CREB5: variants seen among roughly 807,000 people sequenced by gnomAD.
The protein encoded by CREB5 is cyclic AMP-responsive element-binding protein 5.
Under a neutral mutation model 57.1 loss-of-function variants are expected in CREB5, and 19 were observed. The observed-to-expected ratio is 0.33, with a 90% confidence interval of 0.23 to 0.49. CREB5 has a LOEUF of 0.49. CREB5 is among the 20% of genes least tolerant of loss of function. CREB5 has a pLI of 0.99. For synonymous variants in CREB5, 238 were observed against 238.3 expected (o/e 1.00, Z 0.01); for missense variants, 579 against 671.6 (o/e 0.86, Z 1.52).
chr7:28,804,508 G>T lies in CREB5; in HGVS notation c.1012G>T (p.Gly338Cys). 6.2e-7 allele frequency: 1 copy of T among 1,613,700 alleles called. No individual in the cohort carries two copies. Among genetic ancestry groups the T allele is most frequent in the Non-Finnish European group, 8.5e-7 (1 of 1,179,790 alleles). Residue 338 changes from glycine to cysteine, a missense_variant, in exon 8 of 11, where the codon GGC becomes TGC. Physicochemically the swap from Gly to Cys is radical, Grantham distance 159. This residue lies in a region of CREB5 where 459 missense variants were observed against 515.7 expected (regional missense o/e 0.89). Transcript: ENST00000357727. ...QTSPHPPLHT[G>C]NQAQVSPATQ... Reference sequence around the variant, plus strand: ...CTCGCCACATCCGCCCCTGCACACCGGCAACCAAGCACAGGTAGACCTTTT... The same window carrying T: ...CTCGCCACATCCGCCCCTGCACACCTGCAACCAAGCACAGGTAGACCTTTT...
intron 1 of CREB5, among the ~76,000 whole-genome samples, chr7:28,355,011 G>T (rs543927228): frequency 2.5e-4 from 38 of 152,368 alleles, no homozygotes; most frequent in African/African-American, 8.9e-4. Flanking sequence ...TAAGCAAGCA[G>T]TAAATGTGCC....
rs1286180652 is a variant in CREB5, at chr7:28,480,161, C to T, written c.4-8014C>T. On this transcript the variant is annotated intron_variant, in intron 1 of 10. Coordinates refer to ENST00000357727, the MANE Select transcript of CREB5 (RefSeq NM_182898.4). Reference sequence around the variant, plus strand: ...GAAAATTGTTTAAAAATCAAATGCACTCAAACTGCATTAAAAAGTATCTAT... The same window carrying T: ...GAAAATTGTTTAAAAATCAAATGCATTCAAACTGCATTAAAAAGTATCTAT... Among the ~76,000 whole-genome samples, 4 of 152,034 alleles carry T rather than the reference C, an allele frequency of 2.6e-5. No homozygotes were observed. The East Asian group carries it at 7.7e-4, about 29-fold the overall frequency.
intron 1 of CREB5, among the ~76,000 whole-genome samples, chr7:28,441,264 C>T (rs371978424): frequency 9.2e-5 from 14 of 152,190 alleles, no homozygotes; most frequent in African/African-American, 3.1e-4. Context: ...ATGAGGCTGT[C>T]GAGCTGGGCC....
chr7:28,631,742 A>G (rs1392968214), intron 5 of CREB5, among the ~76,000 whole-genome samples: 1 of 152,188 alleles, frequency 6.6e-6, no homozygotes, highest in African/African-American at 2.4e-5. Context: ...CTAGACAAAA[A>G]GAAATAAGCA....
intron 7 of CREB5, among the ~76,000 whole-genome samples, chr7:28,762,498 A>C (rs900432203): frequency 1.3e-5 from 2 of 152,202 alleles, no homozygotes; most frequent in African/African-American, 4.8e-5. Flanking sequence ...CTACAACACA[A>C]CTAATTCTAT....
chr7:28,708,819 C>CTG (rs1049009408), intron 5 of CREB5, among the ~76,000 whole-genome samples: 1 of 152,232 alleles, frequency 6.6e-6, no homozygotes, highest in African/African-American at 2.4e-5. Flanking sequence ...CTCCGTGTGA[C>CTG]TGTGAGCTCA....
chr7:28,390,172 A>G (rs1360115577), intron 1 of CREB5, among the ~76,000 whole-genome samples: 1 of 152,120 alleles, frequency 6.6e-6, no homozygotes, highest in Non-Finnish European at 1.5e-5. Context: ...TTATGAGGCA[A>G]TTGATGATTG....
chr7:28,751,977 T>G (rs1248341379), intron 7 of CREB5, among the ~76,000 whole-genome samples: 2 of 152,184 alleles, frequency 1.3e-5, no homozygotes, highest in Admixed American at 1.3e-4. Flanking sequence ...TTGGGTGATG[T>G]TTTCTCATGA....
At chr7:28,507,879 A>T (rs958792935) in intron 4 of CREB5, 142 bp downstream of exon 4, 28 of 1,039,166 alleles carry the variant, frequency 2.7e-5, no homozygotes, top group South Asian at 1.7e-4. Context: ...AATTTTTTTT[A>T]AAAGATTACT....
intron 1 of CREB5, among the ~76,000 whole-genome samples, chr7:28,436,522 A>G (rs1358293380): frequency 6.6e-6 from 1 of 152,150 alleles, no homozygotes; most frequent in African/African-American, 2.4e-5. Context: ...GGAGGGGTAG[A>G]AAAGTTTAAA....
intron 5 of CREB5, among the ~76,000 whole-genome samples, chr7:28,578,727 T>C (rs904193466): frequency 6.6e-6 from 1 of 152,230 alleles, no homozygotes; most frequent in Admixed American, 6.5e-5. Context: ...ATGTATGATA[T>C]ATTCATGTAA....
rs138499061 is a variant in CREB5, at chr7:28,392,792, C to T, written c.-25+93351C>T. Among the ~76,000 whole-genome samples the T allele has an allele frequency of 6.8e-3, 1,033 of 152,248 alleles. 13 individuals carry two copies. The highest frequency in any genetic ancestry group is 0.023 in the African/African-American group (976 of 41,534). ...CGAGGTACAGGTTACACCTTAGTCC[C>T]GTAACTAGACCTCATCTGTCTCATG... On this transcript the variant is annotated intron_variant, in intron 1 of 9. Transcript: ENST00000396299.
intron 5 of CREB5, among the ~76,000 whole-genome samples, chr7:28,586,896 T>A (rs1583668967): frequency 1.3e-5 from 2 of 152,236 alleles, no homozygotes; most frequent in East Asian, 3.9e-4. Context: ...ACCTGGCAAA[T>A]GCCTGGCTCA....
At chr7:28,558,299 C>A (rs576865932) in intron 4 of CREB5, among the ~76,000 whole-genome samples, 7 of 152,280 alleles carry the variant, frequency 4.6e-5, no homozygotes, top group African/African-American at 1.7e-4. Context: ...CAGTAAAACA[C>A]CCACTTCCCA....
Position 28,582,460 on chromosome 7 carries a change from T to C in CREB5, c.464+11923T>C, listed in dbSNP as rs894650708. Among the ~76,000 whole-genome samples, 4 of 152,230 alleles carry C rather than the reference T, an allele frequency of 2.6e-5. No homozygotes were observed. In the East Asian group the frequency reaches 7.7e-4, roughly 29 times the overall value. On this transcript the variant is annotated intron_variant, in intron 5 of 10. Coordinates refer to ENST00000357727, the MANE Select transcript of CREB5 (RefSeq NM_182898.4). ...GTTAACTTTTACGTCAAAGACCCTG[T>C]TGCATCAACTTCTTTTTAGTCTTAT...
intron 7 of CREB5, among the ~76,000 whole-genome samples, chr7:28,739,446 A>G (rs907804180): frequency 7.2e-5 from 11 of 152,196 alleles, no homozygotes; most frequent in Admixed American, 4.6e-4. Context: ...ATACTGGGGA[A>G]AAACAGCACT....
At chr7:28,742,444 T>C (rs1804418257) in intron 7 of CREB5, among the ~76,000 whole-genome samples, 1 of 151,896 alleles carries the variant, frequency 6.6e-6, no homozygotes, top group Non-Finnish European at 1.5e-5. Context: ...CAGGTGCCTG[T>C]AGTCCCAGCT....
rs375525549 is a variant in CREB5, at chr7:28,459,829, C to T, written c.4-28346C>T. Among the ~76,000 whole-genome samples, 13 of 152,208 alleles carry T rather than the reference C, an allele frequency of 8.5e-5. No individual in the cohort carries two copies. In the South Asian group the frequency reaches 1.5e-3, roughly 17 times the overall value. ...TACTGAGTGTTTTGTATGTTTCTGG[C>T]GCTGAACACATGCTTCATATATATT... On this transcript the variant is annotated intron_variant, in intron 1 of 10. Coordinates refer to ENST00000357727, the MANE Select transcript of CREB5 (RefSeq NM_182898.4).
At chr7:28,745,353 G>T (rs546861590) in intron 7 of CREB5, among the ~76,000 whole-genome samples, 1 of 152,298 alleles carries the variant, frequency 6.6e-6, no homozygotes, top group Non-Finnish European at 1.5e-5. Context: ...AGGTCCTTGT[G>T]CTGTATCTCT....
Sources: allele counts gnomAD v4.1 joint callset (sites outside exome capture counted in the v4.1 genomes callset), GRCh38; gene constraint gnomAD v4.1.1; regional missense constraint gnomAD v4.1.1; transcripts MANE v1.5; gene names NCBI Gene and HGNC (gene_info 2026-07-23, HGNC 2026-07-21).